Variants in CCT8 observed in about 807,000 individuals in gnomAD.
The protein encoded by CCT8 is T-complex protein 1 subunit theta.
A neutral mutation model predicts 65.7 loss-of-function variants in CCT8; 10 were observed. The ratio of observed to expected loss-of-function variants is 0.15; its 90% CI spans 0.09 to 0.26. The LOEUF (loss-of-function observed/expected upper bound fraction) is 0.26, where lower values mean the gene tolerates loss of function less well. Among genes scored for constraint, CCT8 ranks in the 10% least tolerant of loss-of-function variants. CCT8 has a pLI of 1.00. For missense variants in CCT8, 568 were observed against 669.1 expected (o/e 0.85, Z 1.67); for synonymous variants, 199 against 221.8 (o/e 0.90, Z 0.92).
intron 6 of CCT8, among the ~76,000 whole-genome samples, chr21:29,065,801 C>A (rs938404409): frequency 2.0e-5 from 3 of 152,046 alleles, no homozygotes; most frequent in African/African-American, 7.2e-5. Flanking sequence ...TAGTATTTTG[C>A]GCTGGGCGCG....
intron 3 of CCT8, 81 bp downstream of exon 3, chr21:29,069,342 A>G (rs1601096330): frequency 8.1e-6 from 6 of 741,314 alleles, no homozygotes; most frequent in South Asian, 5.7e-5. Context: ...CCAATCTGAA[A>G]TAAGAGATTT....
At chr21:29,071,701 A>G (rs1317045470) in intron 1 of CCT8, among the ~76,000 whole-genome samples, 6 of 152,104 alleles carry the variant, frequency 3.9e-5, no homozygotes, top group Admixed American at 3.3e-4. Flanking sequence ...CCACTGCTTT[A>G]AAAGCATCTT....
At chr21:29,070,404 C>T in intron 1 of CCT8, 67 bp from the exon 2 acceptor site, 1 of 927,568 alleles carries the variant, frequency 1.1e-6, no homozygotes, top group Non-Finnish European at 1.6e-6. Flanking sequence ...ATTTCAAATA[C>T]AAGATATCTT....
At chr21:29,070,439 G>A (rs1419114228) in intron 1 of CCT8, 102 bp from the exon 2 acceptor site, 13 of 638,036 alleles carry the variant, frequency 2.0e-5, no homozygotes, top group Non-Finnish European at 3.4e-5. Flanking sequence ...CTCTAATAAA[G>A]AGGGAGCATA....
intron 13 of CCT8, among the ~76,000 whole-genome samples, chr21:29,061,029 G>C (rs1000865208): frequency 6.6e-6 from 1 of 152,198 alleles, no homozygotes; most frequent in Middle Eastern, 3.4e-3. Context: ...TGAATCAATG[G>C]ATACAGAACT....
At chr21:29,057,151 A>G (rs1378289466) in intron 14 of CCT8, among the ~76,000 whole-genome samples, 1 of 150,596 alleles carries the variant, frequency 6.6e-6, no homozygotes, top group Non-Finnish European at 1.5e-5. Context: ...TTTATCTAAA[A>G]TAAATAGGTT....
At chr21:29,061,215 C>A (rs1015633894) in intron 13 of CCT8, 38 bp downstream of exon 13, 1 of 1,524,600 alleles carries the variant, frequency 6.6e-7, no homozygotes, top group Non-Finnish European at 9.1e-7. Context: ...GTGCATTCCC[C>A]AAATAAAGCA....
rs776818853 is a variant in CCT8 at position 29,065,015 on chromosome 21, T to C, written c.715A>G (p.Ile239Val). Residue 239 changes from isoleucine (I) to valine (V), a missense_variant, in exon 7 of 15, where the codon ATA becomes GTA. Coordinates refer to ENST00000286788, the MANE Select transcript of CCT8 (RefSeq NM_006585.4). ...TCAAAAGGACAAGAGTACACTGCTATTTTTGCATCTTTGACAGATGTTACA... is the reference window on the plus strand; with the variant it reads ...TCAAAAGGACAAGAGTACACTGCTACTTTTGCATCTTTGACAGATGTTACA... ...GDVTSVKDAK[I>V]AVYSCPFDGM... is the part of the protein sequence containing the mutation. 1.2e-6 allele frequency: 2 copies of C among 1,613,616 alleles called. No homozygotes were observed. Among genetic ancestry groups the C allele is most frequent in the Non-Finnish European group, 1.7e-6 (2 of 1,179,716 alleles).
rs1012199077 is a variant in CCT8, at chr21:29,056,372, A to G, written c.*103T>C. On this transcript the variant is annotated 3_prime_UTR_variant, in exon 15 of 15. Coordinates refer to ENST00000286788, the MANE Select transcript of CCT8 (RefSeq NM_006585.4). ...ATTATAACATCCAGCCAAGAATACA[A>G]ACACAAAATAACTCTTAATTTAAGG... 7 of 576,050 alleles carry G rather than the reference A, an allele frequency of 1.2e-5. No homozygotes were observed. Among genetic ancestry groups the G allele is most frequent in the Non-Finnish European group, 2.0e-5 (7 of 354,798 alleles). The allele number at this position is 576,050 out of a possible 1,614,324, so 35.7% of individuals were successfully genotyped here.
At chr21:29,069,157 A>C (rs1305382904) in intron 3 of CCT8, among the ~76,000 whole-genome samples, 1 of 152,218 alleles carries the variant, frequency 6.6e-6, no homozygotes, top group African/African-American at 2.4e-5. Flanking sequence ...AATGAAGACA[A>C]TGGTAATCAA....
intron 14 of CCT8, among the ~76,000 whole-genome samples, chr21:29,058,647 A>C (rs1207247326): frequency 6.8e-6 from 1 of 146,344 alleles, no homozygotes; most frequent in African/African-American, 2.5e-5. Flanking sequence ...GCTGGAGTAC[A>C]GTGGTGCCAT....
chr21:29,062,140 T>G lies in CCT8; in HGVS notation c.1200A>C (p.Lys400Asn), dbSNP rs2085570772. The stretch of plus-strand genomic sequence containing the variant: ...TGCTGATACTGACCCTTGTAAGAAC[T>G]TTGAAAGTATTAACACCATCGTCTA... ...RAVDDGVNTF[K>N]VLTRDKRLVP... The change falls in exon 11 of 15, where the codon AAA becomes AAC. Residue 400 changes from lysine (K) to asparagine (N), a missense_variant. Physicochemically the swap from Lys to Asn is moderately conservative, Grantham distance 94 (BLOSUM62 0). Transcript: ENST00000286788. 6.2e-7 allele frequency: 1 copy of G among 1,607,628 alleles called. No homozygotes were observed. The highest frequency in any genetic ancestry group is 1.7e-5 in the Admixed American group (1 of 59,980).
In CCT8 at chr21:29,073,626, G is replaced by A. The variant is rs981222086; in HGVS notation, c.-36C>T. On this transcript the variant is annotated 5_prime_UTR_variant, in exon 1 of 15. Transcript: ENST00000286788. The stretch of plus-strand genomic sequence containing the variant: ...CAGGAAGCAGTTCACGCGACCGCTC[G>A]GAAGACCGCGGAGGAAGCGAGGAGC... The A allele has an allele frequency of 4.4e-6, 7 of 1,601,056 alleles. No homozygotes were observed. Among genetic ancestry groups the A allele is most frequent in the Non-Finnish European group, 2.6e-6 (3 of 1,168,880 alleles).
chr21:29,066,465 G>C (rs553190915), intron 6 of CCT8, among the ~76,000 whole-genome samples: 26 of 152,264 alleles, frequency 1.7e-4, no homozygotes, highest in African/African-American at 6.3e-4. Context: ...ACTTGAACCG[G>C]GAGGCGGAGG....
At chr21:29,057,907 C>T (rs1026278360) in intron 14 of CCT8, among the ~76,000 whole-genome samples, 12 of 151,636 alleles carry the variant, frequency 7.9e-5, no homozygotes, top group Admixed American at 1.3e-4. Flanking sequence ...CCCAGCTATT[C>T]GGGATGTTAA....
intron 8 of CCT8, 116 bp from the exon 9 acceptor site, chr21:29,062,672 G>T: frequency 1.3e-6 from 1 of 777,368 alleles, no homozygotes; most frequent in Non-Finnish European, 2.1e-6. Flanking sequence ...TTTGACAATG[G>T]ATTTTAACTC....
chr21:29,073,420 C>A, intron 1 of CCT8, 111 bp downstream of exon 1: 2 of 1,559,156 alleles, frequency 1.3e-6, no homozygotes, highest in Admixed American at 3.8e-5. Context: ...CTTCCCCCGG[C>A]CGCTGAGCCA....
chr21:29,068,666 T>C (rs1427026418), intron 3 of CCT8, among the ~76,000 whole-genome samples: 3 of 152,192 alleles, frequency 2.0e-5, no homozygotes, highest in East Asian at 1.9e-4. Flanking sequence ...GGTTTCACCA[T>C]GTTGGCCAGG....
intron 14 of CCT8, chr21:29,060,107 G>A (rs990990307): frequency 1.4e-5 from 2 of 148,094 alleles, no homozygotes. Flanking sequence ...AAAAAGGGTA[G>A]AAATATGATT....
Sources: gnomAD v4.1 joint callset for allele counts (sites outside exome capture counted in the v4.1 genomes callset) on GRCh38, gnomAD v4.1.1 for gene constraint, MANE v1.5 for transcripts, NCBI Gene and HGNC (gene_info 2026-07-23, HGNC 2026-07-21) for gene names.